The following NOS1AP variants were observed in gnomAD, a reference collection of about 807,000 sequenced individuals.
NOS1AP encodes nitric oxide synthase 1 adaptor protein.
NOS1AP carries 21 observed loss-of-function variants against 56.2 expected under a neutral mutation model. The ratio of observed to expected loss-of-function variants is 0.37; its 90% CI spans 0.26 to 0.54. The LOEUF is 0.54. Ranked by LOEUF, NOS1AP falls within the 20% of genes least tolerant of loss-of-function variation. The pLI is 0.84. For synonymous variants in NOS1AP, 270 were observed against 274.6 expected (o/e 0.98, Z 0.17); for missense variants, 522 against 657.8 (o/e 0.79, Z 2.26).
intron 2 of NOS1AP, among the ~76,000 whole-genome samples, chr1:162,220,040 C>T (rs1652716984): frequency 6.6e-6 from 1 of 152,192 alleles, no homozygotes; most frequent in Non-Finnish European, 1.5e-5. Context: ...AAGGGATCCC[C>T]CTGACCTCAG....
At chr1:162,239,371 A>C (rs1653410813) in intron 2 of NOS1AP, among the ~76,000 whole-genome samples, 1 of 152,266 alleles carries the variant, frequency 6.6e-6, no homozygotes, top group Non-Finnish European at 1.5e-5. Context: ...CCTAAAATTC[A>C]GTGGACTGCA....
intron 4 of NOS1AP, among the ~76,000 whole-genome samples, chr1:162,303,904 C>CTTTTTTT (rs35658165): frequency 9.0e-6 from 1 of 110,722 alleles, no homozygotes; most frequent in Non-Finnish European, 1.8e-5. Flanking sequence ...TCTGGCTTGT[C>CTTTTTTT]TTTTTTTTTT....
chr1:162,219,776 A>G (rs531398337), intron 2 of NOS1AP, among the ~76,000 whole-genome samples: 1 of 152,330 alleles, frequency 6.6e-6, no homozygotes, highest in African/African-American at 2.4e-5. Flanking sequence ...CTCTTGACTT[A>G]GTCTGACAGC....
chr1:162,240,715 T>C (rs1261011651), intron 2 of NOS1AP, among the ~76,000 whole-genome samples: 1 of 152,256 alleles, frequency 6.6e-6, no homozygotes, highest in Non-Finnish European at 1.5e-5. Context: ...AAGGGAAAGA[T>C]ACAAGGCACA....
At chr1:162,293,197 C>T (rs2101745469) in intron 3 of NOS1AP, among the ~76,000 whole-genome samples, 1 of 146,620 alleles carries the variant, frequency 6.8e-6, no homozygotes, top group South Asian at 2.1e-4. Context: ...GCATGGAGAA[C>T]TTGTCAAACT....
At chr1:162,081,027 G>A (rs776014850) in intron 1 of NOS1AP, among the ~76,000 whole-genome samples, 2 of 152,180 alleles carry the variant, frequency 1.3e-5, no homozygotes, top group Non-Finnish European at 2.9e-5. Flanking sequence ...GTGTGGCTCA[G>A]GGTGTCTCCA....
At chr1:162,325,456 C>T (rs1463166395) in intron 4 of NOS1AP, among the ~76,000 whole-genome samples, 2 of 152,006 alleles carry the variant, frequency 1.3e-5, no homozygotes, top group African/African-American at 4.8e-5. Context: ...TGGTGGTGTT[C>T]TATCAGTGAA....
chr1:162,363,487 T>C (rs890576856), intron 8 of NOS1AP: 1 of 152,788 alleles, frequency 6.5e-6, no homozygotes, highest in Middle Eastern at 3.4e-3. Flanking sequence ...GGCTTTATTA[T>C]GTAGGCATGA....
intron 8 of NOS1AP, 119 bp from the exon 9 acceptor site, chr1:162,365,285 T>G: frequency 6.4e-7 from 1 of 1,563,546 alleles, no homozygotes. Flanking sequence ...AAGGGCTTCT[T>G]CTTGAACTGA....
At chr1:162,126,491 G>A (rs1167029785) in intron 1 of NOS1AP, among the ~76,000 whole-genome samples, 3 of 150,596 alleles carry the variant, frequency 2.0e-5, no homozygotes, top group African/African-American at 7.3e-5. Context: ...TTTTGATGAT[G>A]TTAACCTTCA....
chr1:162,152,162 C>A (rs1343558565), intron 1 of NOS1AP, among the ~76,000 whole-genome samples: 1 of 152,178 alleles, frequency 6.6e-6, no homozygotes, highest in Non-Finnish European at 1.5e-5. Flanking sequence ...TGGGTCCCAT[C>A]TGGGTATTTG....
chr1:162,361,817 A>G (rs1036857552), intron 8 of NOS1AP, among the ~76,000 whole-genome samples: 3 of 152,186 alleles, frequency 2.0e-5, no homozygotes, highest in African/African-American at 7.2e-5. Context: ...GGGTACCTGC[A>G]AAAAAAGCTT....
Position 162,264,928 on chromosome 1 carries a change from C to A in NOS1AP, c.178-22416C>A, listed in dbSNP as rs146078055. Among the ~76,000 whole-genome samples the A allele has an allele frequency of 2.3e-4, 35 of 152,022 alleles. 1 individual carries two copies. The highest frequency in any genetic ancestry group is 4.6e-4 in the Non-Finnish European group (31 of 67,988). On this transcript the variant is annotated intron_variant, in intron 2 of 9. Coordinates refer to ENST00000361897, the MANE Select transcript of NOS1AP (RefSeq NM_014697.3). ...TCCTAGGCTCAAGCGATTCTCTTGC[C>A]TCAGCCTCCCGAGTAGCTGGGATTA...
chr1:162,201,564 A>G (rs1226263728), intron 2 of NOS1AP, among the ~76,000 whole-genome samples: 1 of 152,220 alleles, frequency 6.6e-6, no homozygotes. Flanking sequence ...TTACAGTCCC[A>G]TCAACAGTGT....
In NOS1AP at chr1:162,095,935, T is replaced by A. The variant is rs138205659; in HGVS notation, c.105+25653T>A. Among the ~76,000 whole-genome samples, 561 of 152,348 alleles carry A rather than the reference T, an allele frequency of 3.7e-3. 7 individuals are homozygous for A. The highest frequency in any genetic ancestry group is 0.013 in the African/African-American group (535 of 41,580). Reference sequence around the variant, plus strand: ...TTTACTGGATAGTCTTCAAATCCAATGTAGACAGTTTCTCTGAGCTTGCTT... The same window carrying A: ...TTTACTGGATAGTCTTCAAATCCAAAGTAGACAGTTTCTCTGAGCTTGCTT... On this transcript the variant is annotated intron_variant, in intron 1 of 9. Coordinates refer to ENST00000361897, the MANE Select transcript of NOS1AP (RefSeq NM_014697.3).
intron 7 of NOS1AP, among the ~76,000 whole-genome samples, chr1:162,356,338 GA>G (rs889523171): frequency 6.6e-5 from 10 of 152,342 alleles, no homozygotes; most frequent in African/African-American, 2.2e-4. Flanking sequence ...AAGGACACAG[GA>G]ACTTCTTTCA....
intron 1 of NOS1AP, among the ~76,000 whole-genome samples, chr1:162,147,319 G>A (rs1177060899): frequency 1.1e-4 from 15 of 137,030 alleles, no homozygotes; most frequent in East Asian, 2.1e-4. Context: ...GCGACAGAGC[G>A]AGACTCCGTC....
chr1:162,361,761 T>C (rs1657910709), intron 8 of NOS1AP, among the ~76,000 whole-genome samples: 1 of 152,180 alleles, frequency 6.6e-6, no homozygotes, highest in South Asian at 2.1e-4. Flanking sequence ...AGCATTTGAG[T>C]CAAAGGTCTT....
intron 4 of NOS1AP, among the ~76,000 whole-genome samples, chr1:162,320,676 A>G (rs895251262): frequency 6.6e-6 from 1 of 152,096 alleles, no homozygotes; most frequent in African/African-American, 2.4e-5. Flanking sequence ...CAACATGGTG[A>G]AACCCCGTCT....
Sources: allele counts gnomAD v4.1 joint callset (sites outside exome capture counted in the v4.1 genomes callset), GRCh38; gene constraint gnomAD v4.1.1; transcripts MANE v1.5; gene names NCBI Gene and HGNC (gene_info 2026-07-23, HGNC 2026-07-21).